Variants in DIS3L2 observed in about 807,000 individuals in gnomAD.
DIS3L2 encodes DIS3 like 3'-5' exoribonuclease 2.
DIS3L2 carries 34 observed loss-of-function variants against 97.5 expected under a neutral mutation model. The observed-to-expected ratio is 0.35, with a 90% CI of 0.27 to 0.46. DIS3L2 has a LOEUF of 0.46. DIS3L2 is among the 20% of genes least tolerant of loss of function. The pLI is 1.00. For synonymous variants in DIS3L2, 435 were observed against 445.2 expected (o/e 0.98, Z 0.29); for missense variants, 1,038 against 1,146.0 (o/e 0.91, Z 1.36).
At chr2:232,023,496 G>A (rs1694576321) in intron 3 of DIS3L2, among the ~76,000 whole-genome samples, 1 of 152,152 alleles carries the variant, frequency 6.6e-6, no homozygotes, top group South Asian at 2.1e-4. Context: ...AAAAATAACT[G>A]CTTCCATCCA....
At chr2:232,333,758 TGAGG>T in intron 16 of DIS3L2, 78 bp from the exon 17 acceptor site, 32 of 1,401,616 alleles carry the variant, frequency 2.3e-5, no homozygotes, top group South Asian at 1.2e-4. Context: ...CTGCCGACGG[TGAGG>T]CTGTGGGTGG....
At chr2:232,158,705 C>G (rs1429318370) in intron 8 of DIS3L2, among the ~76,000 whole-genome samples, 1 of 151,984 alleles carries the variant, frequency 6.6e-6, no homozygotes, top group Admixed American at 6.6e-5. Flanking sequence ...TTTGTGCTTA[C>G]AAACAAGAAC....
At chr2:232,270,882 C>CTCTT (rs1693981191) in intron 13 of DIS3L2, among the ~76,000 whole-genome samples, 1 of 106,238 alleles carries the variant, frequency 9.4e-6, no homozygotes, top group Admixed American at 9.2e-5. Context: ...CTCTCTCTCT[C>CTCTT]TCTCTCTCTC....
At position 232,325,574 on chromosome 2, in the gene DIS3L2, G is replaced by T. The variant is rs1172655110; in HGVS notation, c.1740-4239G>T. Among the ~76,000 whole-genome samples, 1 of 152,134 alleles carries T rather than the reference G, an allele frequency of 6.6e-6. No homozygotes were observed. Among genetic ancestry groups the T allele is most frequent in the Non-Finnish European group, 1.5e-5 (1 of 68,002 alleles). ...TGAGTGCCGAGGAGCTGGGGTCCTG[G>T]CCCTGCAGCCACTGTCACAGCACAG... On this transcript the variant is annotated intron_variant, in intron 14 of 20. Coordinates refer to ENST00000325385, the MANE Select transcript of DIS3L2 (RefSeq NM_152383.5). This position sits in a 1 kb window ranked among gnomAD's most constrained non-coding sequence, Gnocchi z 4.6.
At chr2:232,287,418 G>A (rs1694475464) in intron 13 of DIS3L2, among the ~76,000 whole-genome samples, 1 of 102,972 alleles carries the variant, frequency 9.7e-6, no homozygotes, top group South Asian at 3.3e-4. Context: ...TTATTACATA[G>A]AGACAGGGCC....
chr2:232,216,684 T>C (rs1692345225), intron 10 of DIS3L2, among the ~76,000 whole-genome samples: 3 of 152,296 alleles, frequency 2.0e-5, no homozygotes, highest in Non-Finnish European at 4.4e-5. Context: ...TATGTTTATG[T>C]TGAGAACTAG....
intron 3 of DIS3L2, among the ~76,000 whole-genome samples, chr2:232,022,518 T>G (rs528585120): frequency 1.3e-5 from 2 of 152,294 alleles, no homozygotes; most frequent in Non-Finnish European, 2.9e-5. Flanking sequence ...TTCTGATCTC[T>G]GTACTTGTTC....
At chr2:231,993,505 C>G (rs977210471) in intron 1 of DIS3L2, among the ~76,000 whole-genome samples, 1 of 152,132 alleles carries the variant, frequency 6.6e-6, no homozygotes, top group Non-Finnish European at 1.5e-5. Context: ...TGAGCCACCG[C>G]GCCTGGCTGA....
At chr2:232,208,176 G>T (rs981109400) in intron 9 of DIS3L2, among the ~76,000 whole-genome samples, 4 of 151,948 alleles carry the variant, frequency 2.6e-5, no homozygotes, top group African/African-American at 9.7e-5. Context: ...TCCCCCTGCT[G>T]CCCCCGCACA....
intron 8 of DIS3L2, among the ~76,000 whole-genome samples, chr2:232,160,537 T>G (rs1196890059): frequency 1.3e-5 from 2 of 152,180 alleles, no homozygotes; most frequent in Non-Finnish European, 2.9e-5. Context: ...CTTGTTTTTC[T>G]TGATCAGTCA....
chr2:232,201,547 A>T (rs1421449765), intron 9 of DIS3L2, among the ~76,000 whole-genome samples: 1 of 152,242 alleles, frequency 6.6e-6, no homozygotes, highest in Non-Finnish European at 1.5e-5. Context: ...TACCAAATAC[A>T]TTGTGGAAAC....
Position 232,108,448 on chromosome 2 carries a change from C to CTTCTTGAAAACCCTCGTAAGACAAGGT in DIS3L2, c.601+20729_601+20755dup, listed in dbSNP as rs1697422362. Among the ~76,000 whole-genome samples the CTTCTTGAAAACCCTCGTAAGACAAGGT allele has an allele frequency of 5.9e-5, 9 of 152,298 alleles. No individual in the cohort carries two copies. In the South Asian group the frequency reaches 1.9e-3, roughly 32 times the overall value. On this transcript the variant is annotated intron_variant, in intron 6 of 20. Coordinates refer to ENST00000325385, the MANE Select transcript of DIS3L2 (RefSeq NM_152383.5). ...AGAATGGGCAAAAGCTGGAAGCATT[C>CTTCTTGAAAACCCTCGTAAGACAAGGT]TTCTTGAAAACCCTCGTAAGACAAG...
intron 5 of DIS3L2, among the ~76,000 whole-genome samples, chr2:232,062,117 G>A (rs1009809821): frequency 3.3e-5 from 5 of 152,190 alleles, no homozygotes; most frequent in African/African-American, 1.2e-4. Context: ...GGGCCGCTAT[G>A]CCGAGATGAA....
Position 232,057,049 on chromosome 2 carries a change from A to G in DIS3L2, c.366+26969A>G, listed in dbSNP as rs553972199. 7.2e-5 allele frequency among the ~76,000 whole-genome samples: 11 copies of G among 152,324 alleles called. No homozygotes were observed. In the South Asian group the frequency reaches 2.1e-3, roughly 29 times the overall value. The stretch of plus-strand genomic sequence containing the variant: ...AATAGTAGAATGGATGTATTGTGGT[A>G]TGTATATACAATAGAATACTGTACA... On this transcript the variant is annotated intron_variant, in intron 5 of 20. Transcript: ENST00000325385.
In DIS3L2 at chr2:232,029,980, A is replaced by T. The variant is rs185730176; in HGVS notation, c.266A>T (p.Asp89Val). 1 of 1,595,606 alleles carries T rather than the reference A, an allele frequency of 6.3e-7. No individual in the cohort carries two copies. The highest frequency in any genetic ancestry group is 8.5e-7 in the Non-Finnish European group (1 of 1,173,592). Residue 89 changes from aspartate (D) to valine (V), a missense_variant and splice_region_variant, in exon 5 of 21, where the codon GAT becomes GTT. Around this residue, in one of 3 missense-constraint regions of DIS3L2, gnomAD observed 813 missense variants for 880.1 expected, o/e 0.92. Coordinates refer to ENST00000325385, the MANE Select transcript of DIS3L2 (RefSeq NM_152383.5). Reference protein sequence around the residue: ...KFHEAFIPSPDGDRDIFIDGV... With the variant: ...KFHEAFIPSPVGDRDIFIDGV... ...GTTTTATTTCTTTTTCCAACCTAGG[A>T]TGGTGATCGAGACATTTTTATTGAT...
At chr2:232,126,742 T>C (rs1698072653) in intron 6 of DIS3L2, among the ~76,000 whole-genome samples, 1 of 152,216 alleles carries the variant, frequency 6.6e-6, no homozygotes, top group South Asian at 2.1e-4. Flanking sequence ...GCTGGATAAT[T>C]GGGCAGTGAC....
intron 13 of DIS3L2, among the ~76,000 whole-genome samples, chr2:232,297,361 C>T (rs1009973139): frequency 1.3e-5 from 2 of 152,152 alleles, no homozygotes; most frequent in Admixed American, 1.3e-4. Context: ...CCTCTCTGAC[C>T]CAGTGACACC....
intron 1 of DIS3L2, among the ~76,000 whole-genome samples, chr2:231,998,954 T>C (rs1047658020): frequency 6.6e-6 from 1 of 152,222 alleles, no homozygotes; most frequent in East Asian, 1.9e-4. Flanking sequence ...ACTTTTGACA[T>C]GTCCTCATCA....
chr2:232,200,908 C>T lies in DIS3L2; in HGVS notation c.1125-9418C>T, dbSNP rs187425612. On this transcript the variant is annotated intron_variant, in intron 9 of 20. Coordinates refer to ENST00000325385, the MANE Select transcript of DIS3L2 (RefSeq NM_152383.5). ...AAGCAATTCTCCTGGCTCAGCTTCC[C>T]GAGTAGCTGGGATTACAGGTGCCGA... is the stretch of plus-strand genomic sequence containing the variant. 3.0e-4 allele frequency among the ~76,000 whole-genome samples: 45 copies of T among 151,954 alleles called. No individual in the cohort carries two copies. The South Asian group carries it at 5.2e-3, about 18-fold the overall frequency.
Sources: allele counts gnomAD v4.1 joint callset (sites outside exome capture counted in the v4.1 genomes callset), GRCh38; gene constraint gnomAD v4.1.1; regional missense constraint gnomAD v4.1.1; non-coding constraint Gnocchi (gnomAD v3.1); transcripts MANE v1.5; gene names NCBI Gene and HGNC (gene_info 2026-07-23, HGNC 2026-07-21).